Variants in ABHD17C observed in about 807,000 individuals in gnomAD.
ABHD17C encodes alpha/beta hydrolase domain-containing protein 17C.
In ABHD17C, 11 loss-of-function variants were observed where a neutral mutation model predicts 27.9. That is an observed-to-expected ratio of 0.39 (90% CI 0.25 to 0.65). The LOEUF (loss-of-function observed/expected upper bound fraction) is 0.65. Among genes scored for constraint, ABHD17C ranks in the 30% least tolerant of loss-of-function variants. The pLI, the probability that ABHD17C is intolerant of heterozygous loss-of-function variation, is 0.45. For missense variants in ABHD17C, 280 were observed against 470.2 expected, an observed-to-expected ratio of 0.60 and a Z score of 3.74; for synonymous variants, 233 against 209.1, an observed-to-expected ratio of 1.11 and a Z score of -0.98.
At chr15:80,737,914 A>C (rs1477439948) in intron 1 of ABHD17C, among the ~76,000 whole-genome samples, 1 of 152,162 alleles carries the variant, frequency 6.6e-6, no homozygotes, top group African/African-American at 2.4e-5. Flanking sequence ...TATCCTAAGC[A>C]CAGTGATTGT....
rs1352757386 is a variant in ABHD17C, at chr15:80,695,479, G to A, written c.50G>A (p.Cys17Tyr). 7.2e-7 allele frequency: 1 copy of A among 1,392,784 alleles called. No homozygotes were observed. The highest frequency in any genetic ancestry group is 9.4e-7 in the Non-Finnish European group (1 of 1,062,830). The allele number at this position is 1,392,784 out of a possible 1,614,324, so 86.3% of individuals were successfully genotyped here. A position where few individuals can be genotyped will look rare whatever the true frequency, so the allele number is the denominator to read the frequency against. ...AACGGCTTCTCGCTGGGTGAGCTGT[G>A]CTGGCTCTTCTGCTGCCCGCCCTGC... Reference protein sequence around the residue: ...RMNGFSLGELCWLFCCPPCPS... With the variant: ...RMNGFSLGELYWLFCCPPCPS... The change falls in exon 1 of 3, where the codon TGC (cysteine) becomes TAC (tyrosine). Residue 17 changes from cysteine to tyrosine, a missense_variant. This residue lies in a region of ABHD17C where 74 missense variants were observed against 75.5 expected (regional missense o/e 0.98). Coordinates refer to ENST00000258884, the MANE Select transcript of ABHD17C (RefSeq NM_021214.2). The surrounding 1 kb of genome is among the most constrained non-coding windows in gnomAD (Gnocchi z 4.3).
intron 1 of ABHD17C, among the ~76,000 whole-genome samples, chr15:80,704,429 C>T (rs746641323): frequency 1.9e-4 from 29 of 152,144 alleles, no homozygotes; most frequent in Admixed American, 9.8e-4. Context: ...AGTTCCCATC[C>T]TTGCTTCACC....
intron 1 of ABHD17C, among the ~76,000 whole-genome samples, chr15:80,708,003 C>T (rs571106565): frequency 3.3e-5 from 5 of 152,310 alleles, no homozygotes; most frequent in Admixed American, 2.6e-4. Context: ...TTCCAGCTGC[C>T]TCTGGCTGCG....
chr15:80,698,048 T>C (rs1020005684), intron 1 of ABHD17C, among the ~76,000 whole-genome samples: 8 of 148,988 alleles, frequency 5.4e-5, no homozygotes, highest in African/African-American at 1.7e-4. Flanking sequence ...GCAGAATATG[T>C]TGTTTTATTT....
Position 80,754,530 on chromosome 15 carries a change from T to C in ABHD17C, c.*160T>C, listed in dbSNP as rs1895409191. On this transcript the variant is annotated 3_prime_UTR_variant, in exon 3 of 3. Transcript: ENST00000258884. ...GCTGATGAAATCTCAGTCTTTTGTATCTAGAGGTGGTTCTGCTAATTCACA... is the reference window on the plus strand; with the variant it reads ...GCTGATGAAATCTCAGTCTTTTGTACCTAGAGGTGGTTCTGCTAATTCACA... 1.6e-6 allele frequency: 1 copy of C among 629,208 alleles called. No homozygotes were observed. Among genetic ancestry groups the C allele is most frequent in the Non-Finnish European group, 2.7e-6 (1 of 365,940 alleles). 39.0% of individuals were successfully genotyped at this position (629,208 alleles called of 1,614,324 possible). A position where few individuals can be genotyped will look rare whatever the true frequency, so the allele number is the denominator to read the frequency against.
intron 1 of ABHD17C, among the ~76,000 whole-genome samples, chr15:80,721,101 G>C (rs1894891791): frequency 6.6e-6 from 1 of 150,988 alleles, no homozygotes; most frequent in Non-Finnish European, 1.5e-5. Context: ...GATTTTCCTT[G>C]TCTCCCATAT....
intron 2 of ABHD17C, among the ~76,000 whole-genome samples, chr15:80,750,088 G>A (rs1266564655): frequency 6.6e-6 from 1 of 152,198 alleles, no homozygotes; most frequent in Admixed American, 6.5e-5. Context: ...GCAACTAGTG[G>A]TGTAGACACT....
At position 80,754,625 on chromosome 15, in the gene ABHD17C, T is replaced by C. The variant is rs888442142; in HGVS notation, c.*255T>C. ...TGCAGGAATGGGAATGAGAGCTGAA[T>C]GTAGGGACAATTTTCTAGTGCTGTA... On this transcript the variant is annotated 3_prime_UTR_variant, in exon 3 of 3. Coordinates refer to ENST00000258884, the MANE Select transcript of ABHD17C (RefSeq NM_021214.2). 1 of 433,804 alleles carries C rather than the reference T, an allele frequency of 2.3e-6. No homozygotes were observed. Among genetic ancestry groups the C allele is most frequent in the South Asian group, 3.2e-5 (1 of 30,928 alleles). 26.9% of individuals were successfully genotyped at this position (433,804 alleles called of 1,614,324 possible).
At chr15:80,746,609 A>G (rs1196879688) in intron 1 of ABHD17C, among the ~76,000 whole-genome samples, 1 of 152,202 alleles carries the variant, frequency 6.6e-6, no homozygotes, top group Non-Finnish European at 1.5e-5. Flanking sequence ...CTAGGAACTG[A>G]GAATCCTCAA....
At chr15:80,717,632 C>T (rs1487030383) in intron 1 of ABHD17C, among the ~76,000 whole-genome samples, 1 of 152,130 alleles carries the variant, frequency 6.6e-6, no homozygotes, top group African/African-American at 2.4e-5. Context: ...GTGATCCACC[C>T]GCCTCGGCCT....
chr15:80,737,064 A>G (rs952571990), intron 1 of ABHD17C, among the ~76,000 whole-genome samples: 3 of 151,942 alleles, frequency 2.0e-5, no homozygotes, highest in African/African-American at 7.3e-5. Flanking sequence ...TGGAAACCCA[A>G]ATTCGTGCTG....
chr15:80,708,069 A>G (rs936438139), intron 1 of ABHD17C, among the ~76,000 whole-genome samples: 1 of 152,112 alleles, frequency 6.6e-6, no homozygotes, highest in African/African-American at 2.4e-5. Flanking sequence ...GCAGCTCTTC[A>G]TGCCCCTGTC....
At chr15:80,720,920 C>CAA (rs563220446) in intron 1 of ABHD17C, among the ~76,000 whole-genome samples, 1 of 121,674 alleles carries the variant, frequency 8.2e-6, no homozygotes, top group Non-Finnish European at 1.7e-5. Flanking sequence ...GACTCTGTCT[C>CAA]AAAAAAAAAA....
intron 1 of ABHD17C, among the ~76,000 whole-genome samples, chr15:80,725,488 T>G (rs1487749736): frequency 2.6e-5 from 3 of 117,412 alleles, no homozygotes; most frequent in African/African-American, 7.5e-5. Flanking sequence ...ATACCTGGTG[T>G]CATTTTTATA....
intron 2 of ABHD17C, among the ~76,000 whole-genome samples, chr15:80,750,032 G>A (rs1261914669): frequency 6.6e-6 from 1 of 152,182 alleles, no homozygotes; most frequent in African/African-American, 2.4e-5. Flanking sequence ...TTCATTCAGA[G>A]ACACTTCTTG....
intron 1 of ABHD17C, among the ~76,000 whole-genome samples, chr15:80,739,498 A>G (rs757776677): frequency 2.6e-5 from 4 of 152,066 alleles, no homozygotes; most frequent in Admixed American, 6.5e-5. Flanking sequence ...ATGTGGGTGG[A>G]TCCCTCATGA....
At chr15:80,705,794 C>T (rs1567030786) in intron 1 of ABHD17C, among the ~76,000 whole-genome samples, 1 of 152,112 alleles carries the variant, frequency 6.6e-6, no homozygotes, top group South Asian at 2.1e-4. Context: ...TGCTTATGGC[C>T]TCAAGAGCTT....
intron 1 of ABHD17C, among the ~76,000 whole-genome samples, chr15:80,713,354 C>CTTTTTTTTTTTTTTTTTTT (rs67320992): frequency 9.1e-5 from 4 of 43,842 alleles, no homozygotes; most frequent in Non-Finnish European, 1.1e-4. Context: ...AGGTCTTGTT[C>CTTTTTTTTTTTTTTTTTTT]TTTTTTTTTT....
intron 1 of ABHD17C, among the ~76,000 whole-genome samples, chr15:80,746,580 T>C (rs574488558): frequency 7.2e-5 from 11 of 152,342 alleles, no homozygotes; most frequent in Admixed American, 2.6e-4. Flanking sequence ...GGGTGTGTCC[T>C]AGTGCTGAGA....
Sources: gnomAD v4.1 joint callset for allele counts (sites outside exome capture counted in the v4.1 genomes callset) on GRCh38, gnomAD v4.1.1 for gene constraint, gnomAD v4.1.1 regional missense constraint, Gnocchi (gnomAD v3.1) non-coding constraint, MANE v1.5 for transcripts, NCBI Gene and HGNC (gene_info 2026-07-23, HGNC 2026-07-21) for gene names.